PTP4A1: variants seen among roughly 807,000 people sequenced by gnomAD.
PTP4A1 encodes the protein protein tyrosine phosphatase type IVA 1.
Under a neutral mutation model 20.5 loss-of-function variants are expected in PTP4A1, and 9 were observed. That is an observed-to-expected ratio of 0.44 (90% CI 0.26 to 0.77). The LOEUF is 0.77. Among genes scored for constraint, PTP4A1 ranks in the 30% least tolerant of loss-of-function variants. The pLI, the probability that PTP4A1 is intolerant of heterozygous loss-of-function variation, is 0.19. For missense variants in PTP4A1, 137 were observed against 218.8 expected, an observed-to-expected ratio of 0.63 and a Z score of 2.36; for synonymous variants, 78 against 67.4, an observed-to-expected ratio of 1.16 and a Z score of -0.77.
At chr6:63,549,595 G>GAT (rs1326379880) in intron 2 of PTP4A1, 3 of 593,474 alleles carry the variant, frequency 5.1e-6, no homozygotes, top group Admixed American at 6.0e-5. Context: ...ACCTTTATGT[G>GAT]ATATATATAC....
intron 2 of PTP4A1, among the ~76,000 whole-genome samples, chr6:63,530,307 A>C (rs1775397815): frequency 6.6e-6 from 1 of 152,210 alleles, no homozygotes; most frequent in African/African-American, 2.4e-5. Context: ...TGTGAGACAC[A>C]GCTACAGACA....
chr6:63,559,505 G>A (rs955855923), intron 3 of PTP4A1, among the ~76,000 whole-genome samples: 4 of 152,148 alleles, frequency 2.6e-5, no homozygotes, highest in Non-Finnish European at 5.9e-5. Flanking sequence ...CCAGCACTTT[G>A]GGAGGCCGAG....
At position 63,578,948 on chromosome 6, in the gene PTP4A1, C is replaced by G; in HGVS notation, c.249C>G (p.Asp83Glu). The change falls in exon 4 of 6, where the codon GAC becomes GAG. Residue 83 changes from aspartate (D) to glutamate (E), a missense_variant. Coordinates refer to ENST00000626021, the MANE Select transcript of PTP4A1 (RefSeq NM_003463.5). ...CACCATCCAACCAGATTGTTGATGACTGGTTAAGTCTTGTGAAAATTAAGT... is the reference window on the plus strand; with the variant it reads ...CACCATCCAACCAGATTGTTGATGAGTGGTTAAGTCTTGTGAAAATTAAGT... The part of the protein sequence containing the change: ...GAPPSNQIVD[D>E]WLSLVKIKFR... 6.2e-7 allele frequency: 1 copy of G among 1,604,086 alleles called. No homozygotes were observed. The highest frequency in any genetic ancestry group is 8.5e-7 in the Non-Finnish European group (1 of 1,176,364).
intron 2 of PTP4A1, among the ~76,000 whole-genome samples, chr6:63,544,693 T>C (rs2149485984): frequency 6.6e-6 from 1 of 152,280 alleles, no homozygotes; most frequent in South Asian, 2.1e-4. Context: ...CCAAGAATGT[T>C]TCTCAGTTTG....
At chr6:63,547,244 C>T (rs927929400) in intron 2 of PTP4A1, among the ~76,000 whole-genome samples, 11 of 142,900 alleles carry the variant, frequency 7.7e-5, no homozygotes, top group Non-Finnish European at 1.3e-4. Flanking sequence ...GACTGGAGTG[C>T]AATGGTATGA....
intron 1 of PTP4A1, among the ~76,000 whole-genome samples, chr6:63,522,118 C>A (rs535094331): frequency 3.5e-4 from 53 of 152,248 alleles, no homozygotes; most frequent in African/African-American, 1.2e-3. Context: ...ATAGGTGAAT[C>A]CTTGTCTTCC....
intron 3 of PTP4A1, among the ~76,000 whole-genome samples, chr6:63,551,576 G>A (rs1776442515): frequency 6.6e-6 from 1 of 151,924 alleles, no homozygotes; most frequent in South Asian, 2.1e-4. Context: ...TAGGGTACAT[G>A]TGCACAATGT....
intron 2 of PTP4A1, among the ~76,000 whole-genome samples, chr6:63,534,098 C>G (rs976238846): frequency 6.6e-6 from 1 of 152,068 alleles, no homozygotes; most frequent in African/African-American, 2.4e-5. Flanking sequence ...CCACCTTGAC[C>G]TATCAAAGTA....
At chr6:63,545,248 C>T (rs1460542165) in intron 2 of PTP4A1, among the ~76,000 whole-genome samples, 1 of 152,188 alleles carries the variant, frequency 6.6e-6, no homozygotes, top group African/African-American at 2.4e-5. Context: ...TTTTGGTGTC[C>T]TTTTCATGTC....
chr6:63,531,928 G>A (rs1248885222), intron 2 of PTP4A1, among the ~76,000 whole-genome samples: 2 of 151,708 alleles, frequency 1.3e-5, no homozygotes, highest in East Asian at 1.9e-4. Flanking sequence ...AGCCTCCCGA[G>A]TAGCTGGAAT....
intron 2 of PTP4A1, among the ~76,000 whole-genome samples, chr6:63,533,181 A>G (rs1775550544): frequency 1.3e-5 from 2 of 152,202 alleles, no homozygotes; most frequent in Non-Finnish European, 2.9e-5. Flanking sequence ...CACGAGTTCA[A>G]TACAAGCTTG....
intron 3 of PTP4A1, among the ~76,000 whole-genome samples, chr6:63,566,920 C>T (rs549052980): frequency 3.9e-5 from 6 of 152,334 alleles, no homozygotes; most frequent in South Asian, 2.1e-4. Context: ...ACAATGCTTA[C>T]GGCATCTTCA....
At chr6:63,521,052 G>T (rs1437840011), upstream of PTP4A1, among the ~76,000 whole-genome samples, 2 of 152,016 alleles carry the variant, frequency 1.3e-5, no homozygotes, top group African/African-American at 4.8e-5. Context: ...ATGGACACAG[G>T]GAGGTGAACA....
intron 4 of PTP4A1, 88 bp downstream of exon 4, chr6:63,579,116 A>G (rs1264174943): frequency 1.4e-6 from 2 of 1,399,218 alleles, no homozygotes; most frequent in Non-Finnish European, 1.9e-6. Context: ...ATTTTTTAAT[A>G]TAAAGTCAAC....
At chr6:63,575,529 A>G (rs1777796372) in intron 1 of PTP4A1, among the ~76,000 whole-genome samples, 1 of 152,144 alleles carries the variant, frequency 6.6e-6, no homozygotes, top group Non-Finnish European at 1.5e-5. Context: ...ATATTTGTTT[A>G]TATTTATTGG....
intron 3 of PTP4A1, among the ~76,000 whole-genome samples, chr6:63,557,588 A>T (rs1281530365): frequency 6.6e-6 from 1 of 152,136 alleles, no homozygotes; most frequent in East Asian, 1.9e-4. Flanking sequence ...ATATAAATTA[A>T]TACTAGGTTT....
intron 2 of PTP4A1, among the ~76,000 whole-genome samples, chr6:63,542,442 C>CAAAACTA (rs1776023339): frequency 6.6e-6 from 1 of 152,076 alleles, no homozygotes; most frequent in Non-Finnish European, 1.5e-5. Flanking sequence ...AAAAAACTCT[C>CAAAACTA]CTTTGAACTC....
chr6:63,539,933 T>C (rs1775884186), intron 2 of PTP4A1, among the ~76,000 whole-genome samples: 2 of 152,088 alleles, frequency 1.3e-5, no homozygotes, highest in Admixed American at 1.3e-4. Flanking sequence ...TGGACAAACA[T>C]TGGAAAGTTG....
At position 63,581,607 on chromosome 6, in the gene PTP4A1, G is replaced by A. The variant is rs970005052; in HGVS notation, c.*1433G>A. 2 of 152,080 alleles carry A rather than the reference G, an allele frequency of 1.3e-5. No homozygotes were observed. The highest frequency in any genetic ancestry group is 2.9e-5 in the Non-Finnish European group (2 of 67,982). The allele number at this position is 152,080 out of a possible 1,614,324, so 9.4% of individuals were successfully genotyped here. On this transcript the variant is annotated 3_prime_UTR_variant, in exon 6 of 6. Transcript: ENST00000626021. ...AAACTTTTAGACAAAATTTGTTAGG[G>A]TCATTCATGAAAACTTTAATACTAA...
Sources: gnomAD v4.1 joint callset for allele counts (sites outside exome capture counted in the v4.1 genomes callset) on GRCh38, gnomAD v4.1.1 for gene constraint, MANE v1.5 for transcripts, NCBI Gene and HGNC (gene_info 2026-07-23, HGNC 2026-07-21) for gene names.